LAMA1: variants seen among roughly 807,000 people sequenced by gnomAD.
The protein encoded by LAMA1 is laminin subunit alpha 1.
Under a neutral mutation model 348.7 loss-of-function variants are expected in LAMA1, and 219 were observed. The ratio of observed to expected loss-of-function variants is 0.63; its 90% CI spans 0.56 to 0.70. LAMA1 has a LOEUF of 0.70. Among genes scored for constraint, LAMA1 ranks in the 30% least tolerant of loss-of-function variants. LAMA1 has a pLI of 0.00. For synonymous variants in LAMA1, 1,487 were observed against 1,491.0 expected (o/e 1.00, Z 0.06); for missense variants, 3,744 against 3,888.0 (o/e 0.96, Z 0.99).
intron 9 of LAMA1, 61 bp downstream of exon 9, chr18:7,042,084 T>G: frequency 8.8e-7 from 1 of 1,142,406 alleles, no homozygotes; most frequent in Non-Finnish European, 1.3e-6. Context: ...TTCCAGTATG[T>G]GCAAATCTTC....
chr18:6,976,183 G>C (rs1009619436), intron 44 of LAMA1, 103 bp from the exon 45 acceptor site: 34 of 1,150,512 alleles, frequency 3.0e-5, no homozygotes, highest in Non-Finnish European at 4.3e-5. Context: ...CACTGAGGCA[G>C]GTTTCCTCTC....
chr18:7,007,391 G>A, intron 28 of LAMA1, 115 bp from the exon 29 acceptor site: 1 of 955,612 alleles, frequency 1.0e-6, no homozygotes, highest in Non-Finnish European at 1.5e-6. Flanking sequence ...GTGAAAAGAA[G>A]TTCGACATCT....
chr18:6,949,011 T>G (rs922089540), intron 59 of LAMA1, 90 bp downstream of exon 59: 1 of 1,521,666 alleles, frequency 6.6e-7, no homozygotes, highest in African/African-American at 1.4e-5. Context: ...CAAGGTAATT[T>G]AAACATAAAG....
chr18:7,078,151 T>TTTTTTTTGTTTTTTA (rs1329285265), intron 3 of LAMA1, among the ~76,000 whole-genome samples: 4 of 150,170 alleles, frequency 2.7e-5, no homozygotes, highest in Admixed American at 2.0e-4. Context: ...TTTTTTTTGT[T>TTTTTTTTGTTTTTTA]TTTTATTTTA....
chr18:7,093,141 GCA>G (rs1464917932), intron 1 of LAMA1, among the ~76,000 whole-genome samples: 2 of 152,198 alleles, frequency 1.3e-5, no homozygotes, highest in Non-Finnish European at 2.9e-5. Context: ...AAATGGCGGG[GCA>G]CAGTGGCTCA....
chr18:6,963,261 C>T (rs974050401), intron 51 of LAMA1, among the ~76,000 whole-genome samples: 3 of 152,116 alleles, frequency 2.0e-5, no homozygotes, highest in Non-Finnish European at 4.4e-5. Context: ...TACACTGGGC[C>T]GTCTGGGCAA....
At chr18:7,080,715 T>C (rs1430588475) in intron 1 of LAMA1, among the ~76,000 whole-genome samples, 2 of 152,194 alleles carry the variant, frequency 1.3e-5, no homozygotes, top group African/African-American at 4.8e-5. Context: ...AGGAACTTTC[T>C]AGGGTAATAC....
intron 53 of LAMA1, chr18:6,959,735 C>T (rs944759351): frequency 2.1e-5 from 10 of 481,638 alleles, no homozygotes; most frequent in Admixed American, 1.9e-4. Flanking sequence ...TTCTGCATTG[C>T]CTCATATTTA....
chr18:6,952,861 G>GTGGATCCA (rs1600343485), intron 57 of LAMA1, among the ~76,000 whole-genome samples: 1 of 148,804 alleles, frequency 6.7e-6, no homozygotes, highest in Admixed American at 6.7e-5. Flanking sequence ...CCTGTGTCCA[G>GTGGATCCA]CGGATCCACG....
intron 3 of LAMA1, among the ~76,000 whole-genome samples, chr18:7,073,040 C>CTATA (rs2058152289): frequency 1.3e-5 from 2 of 152,154 alleles, no homozygotes; most frequent in South Asian, 4.1e-4. Flanking sequence ...GCTCTAGGTG[C>CTATA]TATAACCACA....
chr18:7,097,416 G>A lies in LAMA1; in HGVS notation c.62-16959C>T, dbSNP rs147426054. Among the ~76,000 whole-genome samples, 605 of 151,766 alleles carry A rather than the reference G, an allele frequency of 4.0e-3. 8 individuals carry two copies. Among genetic ancestry groups the A allele is most frequent in the African/African-American group, 0.014 (584 of 41,370 alleles). On this transcript the variant is annotated intron_variant, in intron 1 of 62. Transcript: ENST00000389658. ...GAAAAGATATTTCTTATTCATGAAC[G>A]GGAAGATTCAATATTGTTAGACAGC...
At chr18:6,956,232 G>A in intron 56 of LAMA1, 1 of 344,714 alleles carries the variant, frequency 2.9e-6, no homozygotes, top group Non-Finnish European at 5.6e-6. Context: ...AAAATATTTG[G>A]CCAGAACTGG....
chr18:6,993,240 T>C (rs1600378781), intron 35 of LAMA1, among the ~76,000 whole-genome samples: 1 of 152,090 alleles, frequency 6.6e-6, no homozygotes, highest in African/African-American at 2.4e-5. Flanking sequence ...GAAAATAGTA[T>C]GCTAAAAGCC....
In LAMA1 at chr18:6,959,472, C is replaced by G. The variant is rs1270329743; in HGVS notation, c.7647G>C (p.Leu2549=). ...EAHVPFFSVM[L]IGGNIEVHVN... ...CATGTACCTCAATGTTGCCTCCGAT[C>G]AGCATGACGGAAAAGAAGGGCTGGG... The change falls in exon 54 of 63, where the codon CTG becomes CTC. Residue 2549 remains leucine (L), a synonymous_variant. Coordinates refer to ENST00000389658, the MANE Select transcript of LAMA1 (RefSeq NM_005559.4). 6.2e-6 allele frequency: 10 copies of G among 1,614,162 alleles called. No individual in the cohort carries two copies. Among genetic ancestry groups the G allele is most frequent in the Non-Finnish European group, 8.5e-6 (10 of 1,180,048 alleles).
At chr18:7,095,140 CTCTCTCT>C (rs1423299816) in intron 1 of LAMA1, among the ~76,000 whole-genome samples, 2 of 146,770 alleles carry the variant, frequency 1.4e-5, no homozygotes, top group African/African-American at 5.1e-5. Flanking sequence ...CTCTCTCTCT[CTCTCTCT>C]CTCTCTCTCT....
At chr18:7,032,017 G>A (rs1201629230) in intron 16 of LAMA1, 49 bp downstream of exon 16, 1 of 1,453,244 alleles carries the variant, frequency 6.9e-7, no homozygotes, top group East Asian at 2.3e-5. Context: ...ACAGCAAATG[G>A]CTCTGAATTG....
intron 19 of LAMA1, among the ~76,000 whole-genome samples, chr18:7,017,932 C>T (rs2057896479): frequency 6.6e-6 from 1 of 152,130 alleles, no homozygotes; most frequent in African/African-American, 2.4e-5. Flanking sequence ...AACATTGATG[C>T]TTAAAGCTAC....
At chr18:7,087,865 AAT>A (rs1317512251) in intron 1 of LAMA1, among the ~76,000 whole-genome samples, 2 of 152,216 alleles carry the variant, frequency 1.3e-5, no homozygotes, top group Non-Finnish European at 2.9e-5. Context: ...TTTTGTGAGC[AAT>A]CAATGAGATC....
At chr18:7,071,171 G>A (rs2058144409) in intron 3 of LAMA1, among the ~76,000 whole-genome samples, 2 of 152,232 alleles carry the variant, frequency 1.3e-5, no homozygotes, top group Admixed American at 1.3e-4. Context: ...GCATGGTGTA[G>A]AGGGAACCAG....
Sources: allele counts gnomAD v4.1 joint callset (sites outside exome capture counted in the v4.1 genomes callset), GRCh38; gene constraint gnomAD v4.1.1; transcripts MANE v1.5; gene names NCBI Gene and HGNC (gene_info 2026-07-23, HGNC 2026-07-21).